Variants in RNF24 observed in about 807,000 individuals in gnomAD.
RNF24 encodes the protein ring finger protein 24.
In RNF24, 14 loss-of-function variants were observed where a neutral mutation model predicts 20.0. The observed-to-expected ratio is 0.70, with a 90% CI of 0.46 to 1.10. RNF24 has a LOEUF of 1.10. Ranked by LOEUF, RNF24 falls within the 50% of genes least tolerant of loss-of-function variation. RNF24 has a pLI of 0.00. For missense variants in RNF24, 124 were observed against 177.6 expected (o/e 0.70, Z 1.71); for synonymous variants, 45 against 61.1 (o/e 0.74, Z 1.23).
At chr20:4,008,556 A>AT (rs1344967972) in intron 1 of RNF24, among the ~76,000 whole-genome samples, 1 of 110,122 alleles carries the variant, frequency 9.1e-6, no homozygotes, top group Admixed American at 1.2e-4. Flanking sequence ...ATATATATAT[A>AT]TTTTTTTTTG....
At chr20:3,984,253 A>G (rs1209469750) in intron 1 of RNF24, among the ~76,000 whole-genome samples, 1 of 152,004 alleles carries the variant, frequency 6.6e-6, no homozygotes, top group Non-Finnish European at 1.5e-5. Context: ...AAAAAAGAAA[A>G]GAAAAGAAAG....
In RNF24 at chr20:3,934,101, G is replaced by A; in HGVS notation, c.409C>T (p.Pro137Ser). The A allele has an allele frequency of 1.3e-6, 2 of 1,537,270 alleles. No individual in the cohort carries two copies. The highest frequency in any genetic ancestry group is 1.7e-4 in the Middle Eastern group (1 of 5,716). ...TCTGCCCCAGGAAGGGGCCCCTGAG[G>A]GGGTCCACGGTCCTGCTTACTGTGC... The part of the protein sequence containing the change: ...QLHSKQDRGP[P>S]QGPLPGAENI... Residue 137 changes from proline (P) to serine (S), a missense_variant, in exon 6 of 6, where the codon CCT becomes TCT. Pro to Ser is a moderately conservative substitution (Grantham distance 74, BLOSUM62 -1). Transcript: ENST00000358395. The surrounding 1 kb of genome is among the most constrained non-coding windows in gnomAD (Gnocchi z 4.0).
intron 1 of RNF24, among the ~76,000 whole-genome samples, chr20:3,966,700 C>T (rs1408908229): frequency 6.6e-6 from 1 of 152,172 alleles, no homozygotes; most frequent in East Asian, 1.9e-4. Flanking sequence ...GAAACCATGT[C>T]TGGCCAAAGG....
intron 1 of RNF24, among the ~76,000 whole-genome samples, chr20:3,968,561 T>A (rs1600669332): frequency 6.6e-6 from 1 of 152,170 alleles, no homozygotes. Flanking sequence ...AAGGTTACAG[T>A]GAGCTATGAT....
chr20:3,981,717 A>G (rs549910226), intron 1 of RNF24, among the ~76,000 whole-genome samples: 1 of 152,284 alleles, frequency 6.6e-6, no homozygotes, highest in Non-Finnish European at 1.5e-5. Flanking sequence ...GAATTAGCAT[A>G]CCACTAATTC....
chr20:3,961,840 A>G (rs1012123782), intron 2 of RNF24, among the ~76,000 whole-genome samples: 1 of 152,112 alleles, frequency 6.6e-6, no homozygotes, highest in Non-Finnish European at 1.5e-5. Context: ...AAAAAAAACC[A>G]TATTTTTATA....
chr20:4,014,701 A>T (rs933812775), intron 1 of RNF24, among the ~76,000 whole-genome samples: 1 of 149,892 alleles, frequency 6.7e-6, no homozygotes, highest in African/African-American at 2.5e-5. Context: ...ACAATCTCTG[A>T]TTCTCTCATT....
intron 1 of RNF24, among the ~76,000 whole-genome samples, chr20:3,987,142 ATTAATTGAT>A (rs1341295637): frequency 3.0e-4 from 45 of 152,088 alleles, no homozygotes; most frequent in African/African-American, 1.0e-3. Context: ...TTGTTTTTTG[ATTAATTGAT>A]GGCAGCACTC....
chr20:4,009,467 G>C (rs1982257669), intron 1 of RNF24, among the ~76,000 whole-genome samples: 1 of 152,168 alleles, frequency 6.6e-6, no homozygotes, highest in Non-Finnish European at 1.5e-5. Flanking sequence ...GAGGAACACA[G>C]TAGAAAGGGG....
At chr20:3,960,309 C>A (rs1403391153) in intron 2 of RNF24, among the ~76,000 whole-genome samples, 2 of 152,188 alleles carry the variant, frequency 1.3e-5, no homozygotes, top group African/African-American at 4.8e-5. Flanking sequence ...TCCCAATTTA[C>A]CATTTGAAGT....
intron 1 of RNF24, among the ~76,000 whole-genome samples, chr20:4,005,468 G>T (rs1333744322): frequency 6.6e-6 from 1 of 152,124 alleles, no homozygotes; most frequent in Non-Finnish European, 1.5e-5. Context: ...ACACATTTCT[G>T]AAGAAGTTTT....
chr20:3,984,745 G>A (rs1295854981), intron 1 of RNF24, among the ~76,000 whole-genome samples: 1 of 151,816 alleles, frequency 6.6e-6, no homozygotes, highest in Non-Finnish European at 1.5e-5. Flanking sequence ...TTTAAAGTTT[G>A]AGGTTATCCT....
intron 1 of RNF24, among the ~76,000 whole-genome samples, chr20:3,988,364 T>C (rs544308812): frequency 6.6e-6 from 1 of 151,732 alleles, no homozygotes; most frequent in African/African-American, 2.4e-5. Context: ...AAAAAATTGG[T>C]GTGTCCAGTA....
At chr20:3,938,198 T>C (rs888662851) in intron 4 of RNF24, among the ~76,000 whole-genome samples, 35 of 152,254 alleles carry the variant, frequency 2.3e-4, no homozygotes, top group African/African-American at 8.2e-4. Flanking sequence ...GCCGTGCTTA[T>C]TGACCACCAC....
intron 1 of RNF24, among the ~76,000 whole-genome samples, chr20:3,970,405 C>T (rs1215036806): frequency 6.6e-6 from 1 of 151,996 alleles, no homozygotes; most frequent in South Asian, 2.1e-4. Flanking sequence ...AGTCTCATAA[C>T]ATAATACACA....
At chr20:3,974,130 T>C (rs2147010389) in intron 1 of RNF24, among the ~76,000 whole-genome samples, 1 of 148,842 alleles carries the variant, frequency 6.7e-6, no homozygotes, top group Non-Finnish European at 1.5e-5. Flanking sequence ...CACATGATCA[T>C]ATTAACTGAT....
chr20:3,966,370 G>T (rs966340176), intron 1 of RNF24, among the ~76,000 whole-genome samples: 2 of 151,842 alleles, frequency 1.3e-5, no homozygotes, highest in Non-Finnish European at 2.9e-5. Flanking sequence ...ATTCAAATGG[G>T]ATAATCTAAC....
At chr20:4,014,489 T>A (rs1282492758) in intron 1 of RNF24, among the ~76,000 whole-genome samples, 1 of 152,164 alleles carries the variant, frequency 6.6e-6, no homozygotes, top group Non-Finnish European at 1.5e-5. Context: ...TAGACAGACA[T>A]GAGAATCTTA....
At chr20:4,011,165 A>G (rs1435497806) in intron 1 of RNF24, among the ~76,000 whole-genome samples, 1 of 152,240 alleles carries the variant, frequency 6.6e-6, no homozygotes, top group Non-Finnish European at 1.5e-5. Context: ...GAGGATTAAA[A>G]TGACATTGGA....
Sources: allele counts gnomAD v4.1 joint callset (sites outside exome capture counted in the v4.1 genomes callset), GRCh38; gene constraint gnomAD v4.1.1; non-coding constraint Gnocchi (gnomAD v3.1); transcripts MANE v1.5; gene names NCBI Gene and HGNC (gene_info 2026-07-23, HGNC 2026-07-21).